Variants in SLC25A27 observed in about 807,000 individuals in gnomAD.
SLC25A27 encodes solute carrier family 25 member 27.
SLC25A27 carries 35 observed loss-of-function variants against 49.1 expected under a neutral mutation model. That is an observed-to-expected ratio of 0.71 (90% CI 0.54 to 0.95). The LOEUF is 0.95. Among genes scored for constraint, SLC25A27 ranks in the 40% least tolerant of loss-of-function variants. SLC25A27 has a pLI of 0.00. For missense variants in SLC25A27, 339 were observed against 397.1 expected (o/e 0.85, Z 1.24); for synonymous variants, 144 against 136.9 (o/e 1.05, Z -0.36).
intron 1 of SLC25A27, chr6:46,653,785 T>C (rs1762861211): frequency 2.0e-6 from 2 of 985,000 alleles, no homozygotes; most frequent in Admixed American, 6.1e-5. Flanking sequence ...TCTTTGAGTG[T>C]AATTCATCTA....
At chr6:46,665,741 A>G (rs1241625992) in intron 5 of SLC25A27, among the ~76,000 whole-genome samples, 1 of 152,062 alleles carries the variant, frequency 6.6e-6, no homozygotes, top group Non-Finnish European at 1.5e-5. Flanking sequence ...AGTATCCTTA[A>G]AATGACCATT....
chr6:46,676,325 T>C, intron 8 of SLC25A27, 58 bp from the exon 9 acceptor site: 12 of 1,502,508 alleles, frequency 8.0e-6, no homozygotes, highest in South Asian at 3.4e-5. Context: ...TATGCACATA[T>C]GTAGACTATT....
rs534500111 is a variant in SLC25A27, at chr6:46,670,110, C to T, written c.705-25C>T. The T allele has an allele frequency of 6.6e-6, 10 of 1,511,158 alleles. No homozygotes were observed. In the East Asian group the frequency reaches 2.1e-4, roughly 31 times the overall value. 93.6% of individuals were successfully genotyped at this position (1,511,158 alleles called of 1,614,324 possible). On this transcript the variant is annotated intron_variant, in intron 6 of 8. Transcript: ENST00000371347. Reference sequence around the variant, plus strand: ...CTACAAACTACTACATACCATCTTTCAATTTCATTTATTTGTATTTATAGT... The same window carrying T: ...CTACAAACTACTACATACCATCTTTTAATTTCATTTATTTGTATTTATAGT...
At chr6:46,665,433 C>A (rs931995397) in intron 5 of SLC25A27, among the ~76,000 whole-genome samples, 1 of 152,056 alleles carries the variant, frequency 6.6e-6, no homozygotes, top group East Asian at 1.9e-4. Flanking sequence ...CACCTGTAAT[C>A]CCAGGACTTT....
intron 8 of SLC25A27, 100 bp from the exon 9 acceptor site, chr6:46,676,283 G>C: frequency 9.1e-7 from 1 of 1,094,130 alleles, no homozygotes; most frequent in Non-Finnish European, 1.3e-6. Flanking sequence ...AGCCTAAGTG[G>C]TTGCAAAATG....
At chr6:46,658,624 A>C in intron 2 of SLC25A27, 1 of 383,736 alleles carries the variant, frequency 2.6e-6, no homozygotes, top group Non-Finnish European at 5.0e-6. Context: ...AGAAGAGTTA[A>C]TTTCTAATCA....
chr6:46,656,893 C>T (rs1470333450), intron 2 of SLC25A27, among the ~76,000 whole-genome samples: 1 of 152,200 alleles, frequency 6.6e-6, no homozygotes, highest in Non-Finnish European at 1.5e-5. Flanking sequence ...AAGCCAGATA[C>T]AGTGGCTTAT....
At chr6:46,663,628 G>T (rs1296247519) in intron 4 of SLC25A27, among the ~76,000 whole-genome samples, 1 of 152,078 alleles carries the variant, frequency 6.6e-6, no homozygotes, top group Non-Finnish European at 1.5e-5. Flanking sequence ...TGATCACTCA[G>T]TTTTTTTCCC....
intron 2 of SLC25A27, among the ~76,000 whole-genome samples, 153 bp downstream of exon 2, chr6:46,656,187 G>T (rs553155338): frequency 7.3e-4 from 111 of 151,598 alleles, no homozygotes; most frequent in African/African-American, 2.5e-3. Flanking sequence ...TTATTATTTA[G>T]GTTTTTTTTT....
Position 46,676,933 on chromosome 6 carries a change from A to G in SLC25A27, c.*479A>G. 1 of 495,700 alleles carries G rather than the reference A, an allele frequency of 2.0e-6. No homozygotes were observed. The highest frequency in any genetic ancestry group is 3.6e-5 in the South Asian group (1 of 28,040). 30.7% of individuals were successfully genotyped at this position (495,700 alleles called of 1,614,324 possible). The stretch of plus-strand genomic sequence containing the variant: ...AAGTTTGATAATTCACTTTTCTGTC[A>G]TTGTTAAAGCGTACATACTGTAAAT... On this transcript the variant is annotated 3_prime_UTR_variant, in exon 9 of 9. Coordinates refer to ENST00000371347, the MANE Select transcript of SLC25A27 (RefSeq NM_004277.5).
intron 3 of SLC25A27, among the ~76,000 whole-genome samples, chr6:46,659,950 C>T (rs1562036114): frequency 1.3e-5 from 2 of 151,662 alleles, no homozygotes; most frequent in Non-Finnish European, 2.9e-5. Context: ...CCATCTAACT[C>T]GTCTCCTCCT....
At chr6:46,656,352 T>A (rs933327805) in intron 2 of SLC25A27, among the ~76,000 whole-genome samples, 1 of 150,686 alleles carries the variant, frequency 6.6e-6, no homozygotes, top group Non-Finnish European at 1.5e-5. Flanking sequence ...AGCTAATTTT[T>A]TTTTTTTTTT....
At chr6:46,654,157 G>A (rs1171603097) in intron 1 of SLC25A27, 1 of 979,804 alleles carries the variant, frequency 1.0e-6, no homozygotes, top group Non-Finnish European at 1.2e-6. Context: ...ATACTCATGT[G>A]TTTCCTGTGA....
chr6:46,664,832 C>T lies in SLC25A27; in HGVS notation c.565C>T (p.Leu189Phe), dbSNP rs1424970754. 6.2e-7 allele frequency: 1 copy of T among 1,609,052 alleles called. No individual in the cohort carries two copies. The highest frequency in any genetic ancestry group is 8.5e-7 in the Non-Finnish European group (1 of 1,177,336). The change falls in exon 5 of 9, where the codon CTT becomes TTT. Residue 189 changes from leucine to phenylalanine, a missense_variant. By Grantham distance (22) the Leu-to-Phe change is conservative. Transcript: ENST00000371347. Reference protein sequence around the residue: ...KILAEGGIRGLWAGWVPNIQR... With the variant: ...KILAEGGIRGFWAGWVPNIQR... ...CTTAGCTGAAGGAGGAATACGAGGG[C>T]TTTGGGCAGGCTGGGTACCCAATAT...
chr6:46,653,022 G>A lies in SLC25A27; in HGVS notation c.-171G>A. ...AAGGGGCAGCTGGACCACTCCAGCT[G>A]GGACTGCTAGGAAGGTTGCGGGTCC... is the stretch of plus-strand genomic sequence containing the variant. On this transcript the variant is annotated 5_prime_UTR_variant, in exon 1 of 9. Coordinates refer to ENST00000371347, the MANE Select transcript of SLC25A27 (RefSeq NM_004277.5). 1 of 637,148 alleles carries A rather than the reference G, an allele frequency of 1.6e-6. No individual in the cohort carries two copies. Among genetic ancestry groups the A allele is most frequent in the Non-Finnish European group, 2.8e-6 (1 of 363,246 alleles). The allele number at this position is 637,148 out of a possible 1,614,324, so 39.5% of individuals were successfully genotyped here.
Position 46,653,242 on chromosome 6 carries a change from G to A in SLC25A27, c.50G>A (p.Trp17Ter). Reference sequence around the variant, plus strand: ...AGGCTTTTGCCGCTGACCCAGAGATGGCCCCGAGCGAGCAAATTCCTACTG... The same window carrying A: ...AGGCTTTTGCCGCTGACCCAGAGATAGCCCCGAGCGAGCAAATTCCTACTG... Reference protein sequence around the residue: ...EERLLPLTQRWPRASKFLLSG... With the variant: ...EERLLPLTQR The change falls in exon 1 of 9, where the codon TGG (tryptophan) becomes TAG (stop). Residue 17 changes from tryptophan to a stop codon, truncating the protein, a stop_gained. Coordinates refer to ENST00000371347, the MANE Select transcript of SLC25A27 (RefSeq NM_004277.5). LOFTEE classifies it high-confidence loss of function. 6.2e-7 allele frequency: 1 copy of A among 1,613,746 alleles called. No homozygotes were observed. The highest frequency in any genetic ancestry group is 8.5e-7 in the Non-Finnish European group (1 of 1,179,776).
chr6:46,662,858 G>A (rs1163620478), intron 4 of SLC25A27, among the ~76,000 whole-genome samples: 1 of 152,076 alleles, frequency 6.6e-6, no homozygotes, highest in Non-Finnish European at 1.5e-5. Context: ...AACATTTCTG[G>A]TCTCTTGGGT....
intron 4 of SLC25A27, among the ~76,000 whole-genome samples, chr6:46,662,980 G>T (rs997931268): frequency 6.6e-6 from 1 of 152,172 alleles, no homozygotes; most frequent in African/African-American, 2.4e-5. Flanking sequence ...AAAGAGAGTA[G>T]CAAGGATAAC....
At position 46,678,041 on chromosome 6, in the gene SLC25A27, T is replaced by A. The variant is rs1449927962; in HGVS notation, c.*1587T>A. On this transcript the variant is annotated 3_prime_UTR_variant, in exon 9 of 9. Transcript: ENST00000371347. ...TGCGTTGTAAAATATTATATATATA[T>A]ATATATATATATATATATATATATG... 1.3e-4 allele frequency: 8 copies of A among 61,486 alleles called. No individual in the cohort carries two copies. Among genetic ancestry groups the A allele is most frequent in the Non-Finnish European group, 2.4e-4 (7 of 29,120 alleles). 3.8% of individuals were successfully genotyped at this position (61,486 alleles called of 1,614,324 possible).
Sources: allele counts gnomAD v4.1 joint callset (sites outside exome capture counted in the v4.1 genomes callset), GRCh38; gene constraint gnomAD v4.1.1; transcripts MANE v1.5; gene names NCBI Gene and HGNC (gene_info 2026-07-23, HGNC 2026-07-21).